Variants in RTTN observed in about 807,000 individuals in gnomAD.
RTTN encodes the protein rotatin.
In RTTN, 182 loss-of-function variants were observed where a neutral mutation model predicts 269.2. The observed-to-expected ratio is 0.68, with a 90% CI of 0.60 to 0.76. RTTN has a LOEUF of 0.76. Ranked by LOEUF, RTTN falls within the 30% of genes least tolerant of loss-of-function variation. The probability of loss-of-function intolerance (pLI) is 0.00; values close to 1 mark genes in which losing one functional copy is unlikely to be tolerated. For synonymous variants in RTTN, 1,006 were observed against 963.5 expected (o/e 1.04, Z -0.82); for missense variants, 2,545 against 2,608.6 (o/e 0.98, Z 0.53).
At chr18:70,014,770 C>T (rs193226648) in intron 46 of RTTN, among the ~76,000 whole-genome samples, 10 of 152,206 alleles carry the variant, frequency 6.6e-5, no homozygotes. Context: ...GGAGGTCCAG[C>T]TTAATACAAG....
intron 30 of RTTN, 92 bp from the exon 31 acceptor site, chr18:70,088,239 A>G: frequency 8.5e-7 from 1 of 1,175,764 alleles, no homozygotes; most frequent in African/African-American, 1.5e-5. Context: ...ATCACACTTT[A>G]AAAAAATCCA....
chr18:70,085,641 A>T (rs896863245), intron 32 of RTTN, among the ~76,000 whole-genome samples: 11 of 152,198 alleles, frequency 7.2e-5, no homozygotes, highest in African/African-American at 2.7e-4. Context: ...CAATAAGTGT[A>T]CTTTTGTATC....
Position 70,086,682 on chromosome 18 carries a change from C to T in RTTN, c.4305G>A (p.Ala1435=), listed in dbSNP as rs2058706490. 9.8e-6 allele frequency: 5 copies of T among 508,816 alleles called. No individual in the cohort carries two copies. The highest frequency in any genetic ancestry group is 3.8e-5 in the African/African-American group (1 of 26,204). The allele number at this position is 508,816 out of a possible 1,614,324, so 31.5% of individuals were successfully genotyped here. Residue 1435 remains alanine (A), a splice_region_variant and synonymous_variant, in exon 32 of 49, where the codon GCG becomes GCA. Coordinates refer to ENST00000640769, the MANE Select transcript of RTTN (RefSeq NM_173630.4). Reference sequence around the variant, plus strand: ...CAAGGAGATTCTGAAGAATAAATGCCGCCTGAAAATGTAAAAAAAAAAAAA... The same window carrying T: ...CAAGGAGATTCTGAAGAATAAATGCTGCCTGAAAATGTAAAAAAAAAAAAA... ...QSECSMVRRE[A]AFILQNLLVI...
intron 14 of RTTN, among the ~76,000 whole-genome samples, chr18:70,157,211 C>T (rs1176894112): frequency 6.6e-6 from 1 of 152,170 alleles, no homozygotes; most frequent in Admixed American, 6.5e-5. Context: ...CGGGCAGTCA[C>T]CATCGGAAAG....
chr18:70,126,538 A>T (rs1356616977), intron 25 of RTTN, among the ~76,000 whole-genome samples: 1 of 152,160 alleles, frequency 6.6e-6, no homozygotes, highest in Admixed American at 6.6e-5. Flanking sequence ...TATTTCCATA[A>T]AATACATACC....
intron 11 of RTTN, among the ~76,000 whole-genome samples, chr18:70,172,069 ACAG>A (rs770672705): frequency 2.6e-4 from 40 of 152,304 alleles, no homozygotes; most frequent in Non-Finnish European, 5.0e-4. Context: ...TGCTTCCAGA[ACAG>A]GGCTAGTACT....
At chr18:70,161,484 A>G (rs192326176) in intron 14 of RTTN, among the ~76,000 whole-genome samples, 1 of 152,308 alleles carries the variant, frequency 6.6e-6, no homozygotes, top group Non-Finnish European at 1.5e-5. Context: ...GAAATAGATA[A>G]GTGGGACCTA....
intron 47 of RTTN, 176 bp downstream of exon 47, chr18:70,006,205 G>A: frequency 1.9e-6 from 1 of 518,024 alleles, no homozygotes; most frequent in Non-Finnish European, 3.5e-6. Context: ...TAAATAAAAA[G>A]ATTTCAACTG....
intron 28 of RTTN, among the ~76,000 whole-genome samples, chr18:70,099,658 G>A (rs2059103413): frequency 3.9e-5 from 6 of 152,158 alleles, no homozygotes; most frequent in Admixed American, 3.9e-4. Flanking sequence ...CCTTGCCCAT[G>A]CCTATGTCCT....
At chr18:70,112,378 A>C (rs531419097) in intron 27 of RTTN, among the ~76,000 whole-genome samples, 1 of 151,650 alleles carries the variant, frequency 6.6e-6, no homozygotes, top group Admixed American at 6.6e-5. Flanking sequence ...ATAAAGAGTC[A>C]AGACCTATCA....
intron 28 of RTTN, among the ~76,000 whole-genome samples, chr18:70,101,586 C>T (rs2059168216): frequency 6.6e-6 from 1 of 152,018 alleles, no homozygotes; most frequent in Non-Finnish European, 1.5e-5. Context: ...TTCATTTCTG[C>T]TCTGTTCTTA....
chr18:70,010,524 G>A (rs906129678), intron 46 of RTTN, among the ~76,000 whole-genome samples: 1 of 152,158 alleles, frequency 6.6e-6, no homozygotes, highest in African/African-American at 2.4e-5. Flanking sequence ...AAATAAATTA[G>A]TTCTTTGAAA....
chr18:70,174,904 T>A (rs2061248465), intron 11 of RTTN, among the ~76,000 whole-genome samples: 1 of 150,796 alleles, frequency 6.6e-6, no homozygotes, highest in Non-Finnish European at 1.5e-5. Context: ...GGCTCACACC[T>A]ATAATCCCAG....
rs775380875 is a variant in RTTN at position 70,092,664 on chromosome 18, T to A, written c.4032+12A>T. The A allele has an allele frequency of 6.2e-6, 10 of 1,611,418 alleles. No homozygotes were observed. The South Asian group carries it at 1.1e-4, about 18-fold the overall frequency. ...CAAATGTTCAGAAGATAGACAGCTTTAACGCGCTCACCAAGCTCCCAGCCT... is the reference window on the plus strand; with the variant it reads ...CAAATGTTCAGAAGATAGACAGCTTAAACGCGCTCACCAAGCTCCCAGCCT... On this transcript the variant is annotated intron_variant, in intron 29 of 48. Transcript: ENST00000640769.
chr18:70,102,371 T>C (rs1443042082), intron 28 of RTTN, among the ~76,000 whole-genome samples: 1 of 152,220 alleles, frequency 6.6e-6, no homozygotes, highest in African/African-American at 2.4e-5. Context: ...TAAAGTCTGT[T>C]TTATCGGAGA....
chr18:70,144,433 C>G (rs1019560315), intron 18 of RTTN, among the ~76,000 whole-genome samples: 3 of 152,170 alleles, frequency 2.0e-5, no homozygotes, highest in Admixed American at 2.0e-4. Flanking sequence ...AGCTACCCCC[C>G]AGACAAGTCC....
intron 21 of RTTN, 129 bp downstream of exon 21, chr18:70,139,470 A>T: frequency 1.6e-6 from 1 of 608,726 alleles, no homozygotes; most frequent in Non-Finnish European, 2.9e-6. Flanking sequence ...CATTTACATT[A>T]GTAGTGTATT....
intron 28 of RTTN, among the ~76,000 whole-genome samples, chr18:70,098,967 T>G (rs2059080351): frequency 6.6e-6 from 1 of 152,224 alleles, no homozygotes; most frequent in African/African-American, 2.4e-5. Context: ...ACAAAGGACA[T>G]GAACTCATCC....
intron 27 of RTTN, among the ~76,000 whole-genome samples, chr18:70,113,665 T>C (rs181453307): frequency 1.3e-5 from 2 of 152,124 alleles, no homozygotes; most frequent in African/African-American, 2.4e-5. Flanking sequence ...AATGAATGAA[T>C]GGATAAACAA....
Sources: gnomAD v4.1 joint callset for allele counts (sites outside exome capture counted in the v4.1 genomes callset) on GRCh38, gnomAD v4.1.1 for gene constraint, MANE v1.5 for transcripts, NCBI Gene and HGNC (gene_info 2026-07-23, HGNC 2026-07-21) for gene names.